RC3H2: variants seen among roughly 807,000 people sequenced by gnomAD.
RC3H2 encodes the protein ring finger and CCCH-type domains 2, also known as roquin-2.
Under a neutral mutation model 133.3 loss-of-function variants are expected in RC3H2, and 31 were observed. The ratio of observed to expected loss-of-function variants is 0.23; its 90% CI spans 0.17 to 0.31. The LOEUF (loss-of-function observed/expected upper bound fraction) is 0.31. Among genes scored for constraint, RC3H2 ranks in the 10% least tolerant of loss-of-function variants. The pLI is 1.00. For synonymous variants in RC3H2, 517 were observed against 502.2 expected (o/e 1.03, Z -0.40); for missense variants, 1,175 against 1,437.2 (o/e 0.82, Z 2.95).
intron 9 of RC3H2, chr9:122,874,979 T>C (rs1831268707): frequency 3.7e-6 from 2 of 546,872 alleles, no homozygotes; most frequent in Non-Finnish European, 6.1e-6. Flanking sequence ...GGAATGGCAA[T>C]GAAACCACAG....
At chr9:122,854,347 G>T in intron 16 of RC3H2, 81 bp from the exon 17 acceptor site, 1 of 1,323,704 alleles carries the variant, frequency 7.6e-7, no homozygotes, top group Non-Finnish European at 1.1e-6. Context: ...TGTTTTATGT[G>T]ACAGATCAAC....
chr9:122,850,194 A>G (rs1189017287), intron 20 of RC3H2, among the ~76,000 whole-genome samples: 1 of 151,670 alleles, frequency 6.6e-6, no homozygotes, highest in African/African-American at 2.4e-5. Flanking sequence ...AGGCTGGTCT[A>G]GAACTCCTGA....
intron 16 of RC3H2, 121 bp downstream of exon 16, chr9:122,854,409 AT>A (rs1830165851): frequency 8.6e-7 from 1 of 1,164,328 alleles, no homozygotes; most frequent in Non-Finnish European, 1.2e-6. Context: ...TTTTTCAGAA[AT>A]TTGTTATATA....
chr9:122,901,827 G>T (rs960775041), intron 1 of RC3H2, among the ~76,000 whole-genome samples: 42 of 151,672 alleles, frequency 2.8e-4, no homozygotes, highest in African/African-American at 9.0e-4. Context: ...CTGACCTCGT[G>T]ATCTGCCCAC....
At chr9:122,864,313 T>G (rs908176507) in intron 10 of RC3H2, among the ~76,000 whole-genome samples, 1 of 152,168 alleles carries the variant, frequency 6.6e-6, no homozygotes, top group African/African-American at 2.4e-5. Context: ...AAAACCTTTT[T>G]CTAAAGGCAC....
chr9:122,855,953 C>T, intron 13 of RC3H2, 75 bp from the exon 14 acceptor site: 1 of 1,224,182 alleles, frequency 8.2e-7, no homozygotes, highest in Non-Finnish European at 1.1e-6. Flanking sequence ...TATAAAGTAA[C>T]TATTATAGAA....
At chr9:122,898,180 G>C (rs936390949) in intron 1 of RC3H2, 2 of 152,186 alleles carry the variant, frequency 1.3e-5, no homozygotes, top group Non-Finnish European at 2.9e-5. Flanking sequence ...ATGATTAAGA[G>C]AGCTGTTTGT....
intron 13 of RC3H2, among the ~76,000 whole-genome samples, chr9:122,856,660 A>G (rs763311501): frequency 6.6e-6 from 1 of 152,096 alleles, no homozygotes; most frequent in African/African-American, 2.4e-5. Flanking sequence ...GGCTCTGGAG[A>G]TAAAGGGGAA....
chr9:122,885,610 T>G (rs1175869399), intron 4 of RC3H2, among the ~76,000 whole-genome samples: 2 of 152,214 alleles, frequency 1.3e-5, no homozygotes, highest in Non-Finnish European at 2.9e-5. Flanking sequence ...CTTTAAATTT[T>G]TTCTTTTTTT....
At chr9:122,873,528 G>A (rs1654759951) in intron 9 of RC3H2, among the ~76,000 whole-genome samples, 1 of 151,966 alleles carries the variant, frequency 6.6e-6, no homozygotes, top group Admixed American at 6.6e-5. Context: ...GGGCAACATG[G>A]TGAATCCCCA....
At chr9:122,894,014 C>G (rs1832307552) in intron 2 of RC3H2, among the ~76,000 whole-genome samples, 1 of 152,174 alleles carries the variant, frequency 6.6e-6, no homozygotes, top group Admixed American at 6.5e-5. Context: ...GAATCCCGCA[C>G]TTTGGGAGGC....
chr9:122,881,246 AGAGGCC>A (rs553447159), intron 5 of RC3H2, among the ~76,000 whole-genome samples: 23 of 152,010 alleles, frequency 1.5e-4, no homozygotes, highest in South Asian at 4.1e-4. Flanking sequence ...CAGCACTTTG[AGAGGCC>A]GAGGTGGGCA....
At chr9:122,868,835 CT>C (rs1830889640) in intron 9 of RC3H2, among the ~76,000 whole-genome samples, 1 of 135,800 alleles carries the variant, frequency 7.4e-6, no homozygotes, top group African/African-American at 2.9e-5. Context: ...ATATTCCCTC[CT>C]ATATGTGTGT....
At chr9:122,875,507 G>C (rs1831296787) in intron 9 of RC3H2, 1 of 1,271,336 alleles carries the variant, frequency 7.9e-7, no homozygotes, top group Non-Finnish European at 1.0e-6. Flanking sequence ...GCACTGCTGA[G>C]TGGTTGTAAC....
chr9:122,857,825 G>A (rs1432513154), intron 13 of RC3H2, 98 bp downstream of exon 13: 1 of 731,192 alleles, frequency 1.4e-6, no homozygotes. Flanking sequence ...CCAAACCACT[G>A]CAAATATCCA....
chr9:122,881,604 T>C (rs1001399764), intron 5 of RC3H2, among the ~76,000 whole-genome samples: 4 of 152,098 alleles, frequency 2.6e-5, no homozygotes, highest in Non-Finnish European at 5.9e-5. Flanking sequence ...GGCCATTATA[T>C]ACTACGGCAG....
At chr9:122,859,251 G>GTTTTTTTTTTTTTT (rs1564287865) in intron 11 of RC3H2, 149 bp from the exon 12 acceptor site, 1 of 307,176 alleles carries the variant, frequency 3.3e-6, no homozygotes, top group African/African-American at 4.9e-5. Context: ...TTATACCCTG[G>GTTTTTTTTTTTTTT]CTTTTTTTTT....
chr9:122,883,435 G>T, intron 4 of RC3H2, 56 bp from the exon 5 acceptor site: 1 of 1,387,362 alleles, frequency 7.2e-7, no homozygotes, highest in Non-Finnish European at 9.8e-7. Context: ...ATCAGATCAT[G>T]TGTGTCATAG....
At chr9:122,868,227 C>G (rs1204795437) in intron 9 of RC3H2, among the ~76,000 whole-genome samples, 1 of 152,196 alleles carries the variant, frequency 6.6e-6, no homozygotes, top group South Asian at 2.1e-4. Flanking sequence ...GGCCACCACC[C>G]CGTCTGGGAG....
Sources: allele counts gnomAD v4.1 joint callset (sites outside exome capture counted in the v4.1 genomes callset), GRCh38; gene constraint gnomAD v4.1.1; transcripts MANE v1.5; gene names NCBI Gene and HGNC (gene_info 2026-07-23, HGNC 2026-07-21).